The following TMPO variants were observed in gnomAD, a reference collection of about 807,000 sequenced individuals.
TMPO encodes thymopoietin, also known as LEM domain containing 4.
A neutral mutation model predicts 45.4 loss-of-function variants in TMPO; 22 were observed. The ratio of observed to expected loss-of-function variants is 0.48; its 90% CI spans 0.35 to 0.69. The LOEUF is 0.69. Among genes scored for constraint, TMPO ranks in the 30% least tolerant of loss-of-function variants. The pLI is 0.01. For synonymous variants in TMPO, 241 were observed against 204.1 expected, an observed-to-expected ratio of 1.18 and a Z score of -1.54; for missense variants, 512 against 548.8, an observed-to-expected ratio of 0.93 and a Z score of 0.67.
At chr12:98,545,127 T>TTG in intron 7 of TMPO, 66 bp downstream of exon 7, 1 of 1,215,020 alleles carries the variant, frequency 8.2e-7, no homozygotes, top group Non-Finnish European at 1.2e-6. Context: ...AAATATTTGT[T>TTG]TGTTTTTTTT....
At chr12:98,516,345 G>T (rs921053017) in intron 1 of TMPO, 199 bp downstream of exon 1, 1 of 1,221,110 alleles carries the variant, frequency 8.2e-7, no homozygotes, top group African/African-American at 1.6e-5. Context: ...GGGCCGCGGG[G>T]TTCGCGTTCT....
At chr12:98,526,214 G>C (rs1272394004) in intron 1 of TMPO, among the ~76,000 whole-genome samples, 2 of 152,164 alleles carry the variant, frequency 1.3e-5, no homozygotes, top group Non-Finnish European at 2.9e-5. Context: ...TGTGTCACAG[G>C]TGATAATTTA....
intron 3 of TMPO, chr12:98,534,937 A>G (rs902882366): frequency 2.1e-6 from 2 of 938,016 alleles, no homozygotes; most frequent in African/African-American, 3.6e-5. Flanking sequence ...CAAGATAAGC[A>G]TGCACAAGAA....
chr12:98,544,740 T>A, intron 6 of TMPO: 1 of 647,204 alleles, frequency 1.5e-6, no homozygotes, highest in South Asian at 2.0e-5. Flanking sequence ...TAATTCATTG[T>A]ACAAGAAAGT....
At chr12:98,517,081 G>A (rs1445290991) in intron 1 of TMPO, among the ~76,000 whole-genome samples, 2 of 152,220 alleles carry the variant, frequency 1.3e-5, no homozygotes, top group African/African-American at 2.4e-5. Flanking sequence ...AAAGTGCTGG[G>A]ATAACAGGCG....
Position 98,515,592 on chromosome 12 carries a change from A to C in TMPO, c.-276A>C. Reference sequence around the variant, plus strand: ...GCGCGCGTTCTTGGGGCGTGGGCGAAGCAGGCTGCTCGCCTCCTGCCTGTA... The same window carrying C: ...GCGCGCGTTCTTGGGGCGTGGGCGACGCAGGCTGCTCGCCTCCTGCCTGTA... On this transcript the variant is annotated 5_prime_UTR_variant, in exon 1 of 9. Transcript: ENST00000556029. 1 of 513,642 alleles carries C rather than the reference A, an allele frequency of 1.9e-6. No homozygotes were observed. The highest frequency in any genetic ancestry group is 5.3e-4 in the Middle Eastern group (1 of 1,872). 31.8% of individuals were successfully genotyped at this position (513,642 alleles called of 1,614,324 possible). A position where few individuals can be genotyped will look rare whatever the true frequency, so the allele number is the denominator to read the frequency against.
At chr12:98,519,875 T>C (rs1876198828) in intron 1 of TMPO, among the ~76,000 whole-genome samples, 1 of 152,222 alleles carries the variant, frequency 6.6e-6, no homozygotes, top group South Asian at 2.1e-4. Context: ...TCCTCTTATA[T>C]GTACTATATT....
rs199594991 is a variant in TMPO, at chr12:98,544,514, A to G, written c.856A>G (p.Met286Val). The change falls in exon 6 of 9, where the codon ATG becomes GTG. Residue 286 changes from methionine (M) to valine (V), a missense_variant. Physicochemically the swap from Met to Val is conservative, Grantham distance 21. Transcript: ENST00000556029. ...GAGTACTCCCATAGCTGAAACTATA[A>G]TGGCTTCAAGCAACGAATCCTTAGT... ...SESTPIAETI[M>V]ASSNESLVVN... is the part of the protein sequence containing the mutation. 32 of 1,613,416 alleles carry G rather than the reference A, an allele frequency of 2.0e-5. No homozygotes were observed. Among genetic ancestry groups the G allele is most frequent in the Middle Eastern group, 1.6e-4 (1 of 6,082 alleles).
chr12:98,547,904 A>T lies in TMPO; in HGVS notation c.*46A>T, dbSNP rs748196612. 1 of 1,597,252 alleles carries T rather than the reference A, an allele frequency of 6.3e-7. No individual in the cohort carries two copies. Among genetic ancestry groups the T allele is most frequent in the Non-Finnish European group, 8.6e-7 (1 of 1,167,416 alleles). On this transcript the variant is annotated 3_prime_UTR_variant, in exon 9 of 9. Transcript: ENST00000556029. ...TCAACTTGGTCTCCTATTTTCAATA[A>T]CTGTTGAAAAACATTTGTGTACACT...
At chr12:98,529,578 T>C (rs2121183244) in intron 2 of TMPO, among the ~76,000 whole-genome samples, 1 of 152,246 alleles carries the variant, frequency 6.6e-6, no homozygotes, top group East Asian at 1.9e-4. Flanking sequence ...TATTATTTTT[T>C]TTTTTGACAA....
At chr12:98,543,668 A>G (rs915824042) in intron 4 of TMPO, among the ~76,000 whole-genome samples, 3 of 152,186 alleles carry the variant, frequency 2.0e-5, no homozygotes, top group African/African-American at 4.8e-5. Flanking sequence ...TGGCTACCTA[A>G]TTTTGTATCT....
At chr12:98,528,275 G>GT (rs1876934909) in intron 2 of TMPO, among the ~76,000 whole-genome samples, 1 of 124,782 alleles carries the variant, frequency 8.0e-6, no homozygotes. Flanking sequence ...TTTTGGTTTT[G>GT]TTTTGTTTTT....
rs764177808 is a variant in TMPO, at chr12:98,533,940, C to G, written c.565+2102C>G. On this transcript the variant is annotated intron_variant, in intron 3 of 8. Coordinates refer to ENST00000556029, the MANE Select transcript of TMPO (RefSeq NM_001032283.3). ...TTCAAGCAGCCTCCACTGAGTCTTGCAATCAGCAGTTGGACTTAGCACTCT... is the reference window on the plus strand; with the variant it reads ...TTCAAGCAGCCTCCACTGAGTCTTGGAATCAGCAGTTGGACTTAGCACTCT... 4.2e-5 allele frequency: 67 copies of G among 1,613,886 alleles called. No homozygotes were observed. The highest frequency in any genetic ancestry group is 6.7e-5 in the Admixed American group (4 of 59,996).
intron 1 of TMPO, among the ~76,000 whole-genome samples, chr12:98,523,812 A>T (rs901326326): frequency 2.0e-5 from 3 of 152,038 alleles, no homozygotes; most frequent in Non-Finnish European, 2.9e-5. Context: ...AGTAGCTAGG[A>T]CTATAGGCGT....
At chr12:98,518,470 CTTTTT>C (rs11437786) in intron 1 of TMPO, among the ~76,000 whole-genome samples, 116 of 83,512 alleles carry the variant, frequency 1.4e-3, no homozygotes, top group African/African-American at 5.1e-3. Flanking sequence ...ATTTTCTAAT[CTTTTT>C]TTTTTTTTTT....
chr12:98,545,125 G>GTTTTTT (rs573744306), intron 7 of TMPO, 64 bp downstream of exon 7: 23 of 543,024 alleles, frequency 4.2e-5, no homozygotes, highest in African/African-American at 7.6e-5. Context: ...ATAAATATTT[G>GTTTTTT]TTTGTTTTTT....
intron 1 of TMPO, chr12:98,516,651 A>G: frequency 1.5e-6 from 1 of 686,620 alleles, no homozygotes; most frequent in Non-Finnish European, 1.8e-6. Context: ...CCGCCTTTTT[A>G]TACTTTTGCG....
chr12:98,534,394 A>G (rs1156321539), intron 3 of TMPO: 1 of 1,603,692 alleles, frequency 6.2e-7, no homozygotes, highest in Non-Finnish European at 8.5e-7. Flanking sequence ...ACTTTATGCC[A>G]ACATTTTCTT....
chr12:98,540,592 G>C (rs1877857622), intron 4 of TMPO, among the ~76,000 whole-genome samples: 1 of 152,150 alleles, frequency 6.6e-6, no homozygotes, highest in Non-Finnish European at 1.5e-5. Context: ...TGGTCAGGCA[G>C]GTCTCGAACT....
Sources: allele counts gnomAD v4.1 joint callset (sites outside exome capture counted in the v4.1 genomes callset), GRCh38; gene constraint gnomAD v4.1.1; transcripts MANE v1.5; gene names NCBI Gene and HGNC (gene_info 2026-07-23, HGNC 2026-07-21).